RANBP10: variants seen among roughly 807,000 people sequenced by gnomAD.
RANBP10 encodes the protein RAN binding protein 10.
A neutral mutation model predicts 72.8 loss-of-function variants in RANBP10; 24 were observed. The ratio of observed to expected loss-of-function variants is 0.33; its 90% CI spans 0.24 to 0.46. The LOEUF is 0.46. RANBP10 is among the 20% of genes least tolerant of loss of function. RANBP10 has a pLI of 1.00. For missense variants in RANBP10, 679 were observed against 817.5 expected, an observed-to-expected ratio of 0.83 and a Z score of 2.07; for synonymous variants, 310 against 322.3, an observed-to-expected ratio of 0.96 and a Z score of 0.41.
At chr16:67,732,321 C>T (rs2053749139) in intron 6 of RANBP10, among the ~76,000 whole-genome samples, 1 of 152,128 alleles carries the variant, frequency 6.6e-6, no homozygotes, top group Admixed American at 6.6e-5. Flanking sequence ...GCCATTTAAC[C>T]CCAGCAGAAG....
At chr16:67,773,416 C>T (rs1255194839) in intron 2 of RANBP10, among the ~76,000 whole-genome samples, 1 of 152,092 alleles carries the variant, frequency 6.6e-6, no homozygotes, top group Non-Finnish European at 1.5e-5. Flanking sequence ...TTTTCTTTAC[C>T]CTGTCTCAGG....
chr16:67,727,938 A>C (rs566195185), intron 11 of RANBP10, 42 bp from the exon 12 acceptor site: 2 of 1,607,872 alleles, frequency 1.2e-6, no homozygotes, highest in South Asian at 2.2e-5. Flanking sequence ...GGAGGGGTGA[A>C]GAGGGAAGGG....
intron 3 of RANBP10, among the ~76,000 whole-genome samples, chr16:67,753,994 C>A (rs1007163260): frequency 2.6e-5 from 4 of 151,948 alleles, no homozygotes; most frequent in African/African-American, 9.7e-5. Flanking sequence ...AATTAGCCAG[C>A]GTGGTGGCGG....
At chr16:67,756,531 C>G (rs868523101) in intron 3 of RANBP10, among the ~76,000 whole-genome samples, 1 of 151,864 alleles carries the variant, frequency 6.6e-6, no homozygotes, top group Admixed American at 6.6e-5. Flanking sequence ...GGTGAAACCT[C>G]GTCTCTACTA....
chr16:67,796,482 T>TCCAC (rs1179580749), intron 2 of RANBP10, among the ~76,000 whole-genome samples: 1 of 152,020 alleles, frequency 6.6e-6, no homozygotes, highest in African/African-American at 2.4e-5. Flanking sequence ...TCCAACCACC[T>TCCAC]CCACCCTGAG....
chr16:67,790,537 C>T (rs1190571584), intron 2 of RANBP10, among the ~76,000 whole-genome samples: 4 of 151,682 alleles, frequency 2.6e-5, no homozygotes, highest in Admixed American at 6.6e-5. Flanking sequence ...CAGCAAGGAC[C>T]GCATCTGGCT....
chr16:67,797,327 G>A (rs1259943864), intron 2 of RANBP10, among the ~76,000 whole-genome samples: 1 of 152,262 alleles, frequency 6.6e-6, no homozygotes, highest in East Asian at 1.9e-4. Flanking sequence ...TCAGCTCACA[G>A]TTGGAGCCTG....
At chr16:67,744,875 G>A (rs548020260) in intron 3 of RANBP10, among the ~76,000 whole-genome samples, 1 of 152,332 alleles carries the variant, frequency 6.6e-6, no homozygotes, top group East Asian at 1.9e-4. Context: ...CCATGCTGGA[G>A]TGCAATGGTG....
chr16:67,795,657 G>C (rs946331857), intron 2 of RANBP10, among the ~76,000 whole-genome samples: 1 of 151,668 alleles, frequency 6.6e-6, no homozygotes, highest in Non-Finnish European at 1.5e-5. Context: ...CACGAGGTCA[G>C]GAGATCGAGA....
rs1238423803 is a variant in RANBP10, at chr16:67,723,789, G to C, written c.*2639C>G. On this transcript the variant is annotated 3_prime_UTR_variant, in exon 14 of 14. Transcript: ENST00000317506. Reference sequence around the variant, plus strand: ...CCCCCAGGTGCCTTTCCCACTCTAGGCTCCTGGAAGCAGGCTGGTAGGACT... The same window carrying C: ...CCCCCAGGTGCCTTTCCCACTCTAGCCTCCTGGAAGCAGGCTGGTAGGACT... 1 of 152,344 alleles carries C rather than the reference G, an allele frequency of 6.6e-6. No individual in the cohort carries two copies. The highest frequency in any genetic ancestry group is 2.4e-5 in the African/African-American group (1 of 41,444). 9.4% of individuals were successfully genotyped at this position (152,344 alleles called of 1,614,324 possible). A position where few individuals can be genotyped will look rare whatever the true frequency, so the allele number is the denominator to read the frequency against.
intron 3 of RANBP10, among the ~76,000 whole-genome samples, chr16:67,753,236 C>A (rs1323463039): frequency 2.7e-5 from 4 of 150,776 alleles, no homozygotes; most frequent in Non-Finnish European, 4.4e-5. Context: ...CTGTGTGCAG[C>A]GGCTTATGCC....
intron 2 of RANBP10, among the ~76,000 whole-genome samples, chr16:67,804,963 T>C (rs2055320819): frequency 6.6e-6 from 1 of 152,170 alleles, no homozygotes; most frequent in Non-Finnish European, 1.5e-5. Context: ...TACCCTGAGA[T>C]GACAGGCCGG....
intron 3 of RANBP10, among the ~76,000 whole-genome samples, chr16:67,760,761 G>C (rs1049772620): frequency 6.6e-6 from 1 of 152,174 alleles, no homozygotes; most frequent in African/African-American, 2.4e-5. Flanking sequence ...CACACCGAGC[G>C]AACAGCTGCC....
intron 2 of RANBP10, among the ~76,000 whole-genome samples, chr16:67,782,351 C>T (rs927396075): frequency 6.6e-6 from 1 of 152,100 alleles, no homozygotes; most frequent in East Asian, 1.9e-4. Context: ...AGTCTTGAAC[C>T]CCTGAGCTCA....
At chr16:67,799,694 A>G (rs2055200934) in intron 2 of RANBP10, among the ~76,000 whole-genome samples, 1 of 152,020 alleles carries the variant, frequency 6.6e-6, no homozygotes, top group Admixed American at 6.6e-5. Context: ...ATCACCTCTT[A>G]TATGATTCTA....
intron 1 of RANBP10, among the ~76,000 whole-genome samples, chr16:67,805,914 G>C (rs1313033533): frequency 6.6e-6 from 1 of 152,264 alleles, no homozygotes; most frequent in Non-Finnish European, 1.5e-5. Flanking sequence ...CCCAGGCTCA[G>C]TCTAGGATGC....
At chr16:67,750,642 C>T (rs1296415311) in intron 3 of RANBP10, among the ~76,000 whole-genome samples, 2 of 152,186 alleles carry the variant, frequency 1.3e-5, no homozygotes. Context: ...AGTGACCAGC[C>T]CCAGCTGTCA....
intron 3 of RANBP10, among the ~76,000 whole-genome samples, chr16:67,755,683 CA>C (rs58929828): frequency 0.06 from 3,246 of 54,404 alleles, 44 homozygotes; most frequent in African/African-American, 0.14. Context: ...GACTCTGCCT[CA>C]AAAAAAAAAA....
rs1175160424 is a variant in RANBP10 at position 67,727,371 on chromosome 16, A to C, written c.1688T>G (p.Ile563Ser). 1.2e-6 allele frequency: 2 copies of C among 1,613,672 alleles called. No individual in the cohort carries two copies. The highest frequency in any genetic ancestry group is 4.5e-5 in the East Asian group (2 of 44,876). ...SCPVGQQLDP[I>S]QREPVCAALN... ...GGCAGCACACACAGGTTCCCTCTGG[A>C]TGGGGTCAAGCTGCTGGCCAACTGG... Residue 563 changes from isoleucine to serine, a missense_variant, in exon 13 of 14, where the codon ATC becomes AGC. Ile to Ser is a moderately radical substitution (Grantham distance 142, BLOSUM62 -2). Coordinates refer to ENST00000317506, the MANE Select transcript of RANBP10 (RefSeq NM_020850.3).
Sources: gnomAD v4.1 joint callset for allele counts (sites outside exome capture counted in the v4.1 genomes callset) on GRCh38, gnomAD v4.1.1 for gene constraint, MANE v1.5 for transcripts, NCBI Gene and HGNC (gene_info 2026-07-23, HGNC 2026-07-21) for gene names.